HMCN1: variants seen among roughly 807,000 people sequenced by gnomAD.
HMCN1 encodes the protein hemicentin-1.
HMCN1 carries 321 observed loss-of-function variants against 625.9 expected under a neutral mutation model. The ratio of observed to expected loss-of-function variants is 0.51; its 90% CI spans 0.47 to 0.56. The LOEUF (loss-of-function observed/expected upper bound fraction) is 0.56, where lower values mean the gene tolerates loss of function less well. Among genes scored for constraint, HMCN1 ranks in the 20% least tolerant of loss-of-function variants. The pLI is 0.00. For synonymous variants in HMCN1, 2,425 were observed against 2,417.6 expected, an observed-to-expected ratio of 1.00 and a Z score of -0.09; for missense variants, 6,588 against 6,887.3, an observed-to-expected ratio of 0.96 and a Z score of 1.54.
intron 41 of HMCN1, among the ~76,000 whole-genome samples, chr1:186,047,784 C>T (rs562139341): frequency 1.2e-4 from 19 of 152,146 alleles, no homozygotes; most frequent in African/African-American, 4.6e-4. Context: ...ATTTTATGTC[C>T]TCTTTCAAGC....
At chr1:186,011,398 A>C (rs549906462) in intron 30 of HMCN1, among the ~76,000 whole-genome samples, 1 of 152,156 alleles carries the variant, frequency 6.6e-6, no homozygotes, top group Non-Finnish European at 1.5e-5. Flanking sequence ...ATGTTTCTTC[A>C]TACAGCTAAG....
chr1:186,144,589 G>A lies in HMCN1; in HGVS notation c.14152G>A (p.Gly4718Arg). 6.2e-7 allele frequency: 1 copy of A among 1,614,148 alleles called. No homozygotes were observed. The highest frequency in any genetic ancestry group is 8.5e-7 in the Non-Finnish European group (1 of 1,180,024). The stretch of plus-strand genomic sequence containing the variant: ...GAGTGCCTGTTCTGTGTCATGTGGA[G>A]GAGGTGCCAGACAGAGAACAAGGGG... The part of the protein sequence containing the change: ...SWSACSVSCG[G>R]GARQRTRGCS... Residue 4718 changes from glycine (G) to arginine (R), a missense_variant, in exon 91 of 107, where the codon GGA (glycine) becomes AGA (arginine). Around this residue, in one of 3 missense-constraint regions of HMCN1, gnomAD observed 1,954 missense variants for 2,013.1 expected, o/e 0.97. Transcript: ENST00000271588.
chr1:185,955,391 T>G (rs945565275), intron 11 of HMCN1, among the ~76,000 whole-genome samples: 8 of 152,102 alleles, frequency 5.3e-5, no homozygotes, highest in Non-Finnish European at 1.0e-4. Flanking sequence ...AAAAAAGAAA[T>G]AAAAATTTTT....
intron 11 of HMCN1, among the ~76,000 whole-genome samples, chr1:185,937,480 A>G (rs868499495): frequency 6.6e-6 from 1 of 152,202 alleles, no homozygotes; most frequent in African/African-American, 2.4e-5. Flanking sequence ...ATGAGGCCTC[A>G]TCTCCCAACG....
At chr1:185,904,829 G>A (rs1666007555) in intron 4 of HMCN1, among the ~76,000 whole-genome samples, 1 of 151,730 alleles carries the variant, frequency 6.6e-6, no homozygotes, top group African/African-American at 2.4e-5. Context: ...AGGTGTTAGT[G>A]TCAATTTTAC....
intron 14 of HMCN1, among the ~76,000 whole-genome samples, chr1:185,968,519 C>A (rs937919703): frequency 6.6e-6 from 1 of 151,010 alleles, no homozygotes; most frequent in African/African-American, 2.4e-5. Context: ...ACATAATCCA[C>A]ATAAAAATTC....
At chr1:186,004,507 A>C (rs777197347) in intron 29 of HMCN1, among the ~76,000 whole-genome samples, 2 of 152,222 alleles carry the variant, frequency 1.3e-5, no homozygotes, top group African/African-American at 2.4e-5. Flanking sequence ...TATATGGAGG[A>C]TATGAACAGG....
intron 80 of HMCN1, among the ~76,000 whole-genome samples, 187 bp from the exon 81 acceptor site, chr1:186,122,764 G>A (rs1661454444): frequency 6.6e-6 from 1 of 152,154 alleles, no homozygotes; most frequent in African/African-American, 2.4e-5. Context: ...CTAGGGACTA[G>A]TTTTCTGAAG....
At chr1:186,010,682 A>G (rs1653941850) in intron 30 of HMCN1, among the ~76,000 whole-genome samples, 1 of 152,214 alleles carries the variant, frequency 6.6e-6, no homozygotes, top group Non-Finnish European at 1.5e-5. Flanking sequence ...AATTTAAAAC[A>G]TGAGTAAAAT....
chr1:185,905,159 T>A (rs1307783727), intron 4 of HMCN1, among the ~76,000 whole-genome samples: 2 of 151,812 alleles, frequency 1.3e-5, no homozygotes, highest in Non-Finnish European at 2.9e-5. Flanking sequence ...CAATTGCACA[T>A]GGACAAAATA....
intron 82 of HMCN1, among the ~76,000 whole-genome samples, chr1:186,127,480 G>A (rs146054413): frequency 2.2e-4 from 33 of 152,202 alleles, no homozygotes; most frequent in African/African-American, 5.5e-4. Context: ...AAAGGTTGGA[G>A]AAGCAGCAGC....
intron 103 of HMCN1, among the ~76,000 whole-genome samples, chr1:186,175,444 C>T (rs948668613): frequency 2.0e-5 from 3 of 152,116 alleles, no homozygotes; most frequent in African/African-American, 7.2e-5. Context: ...TTTATGCAAT[C>T]CCTAGCATAA....
chr1:186,028,524 A>G (rs1424582109), intron 36 of HMCN1, among the ~76,000 whole-genome samples: 3 of 152,134 alleles, frequency 2.0e-5, no homozygotes, highest in East Asian at 1.9e-4. Flanking sequence ...TGTTTGAGGC[A>G]TTGAACCATT....
chr1:185,842,946 G>A lies in HMCN1; in HGVS notation c.269-3080G>A, dbSNP rs561383880. Among the ~76,000 whole-genome samples the A allele has an allele frequency of 1.6e-4, 25 of 152,170 alleles. No individual in the cohort carries two copies. In the South Asian group the frequency reaches 3.5e-3, roughly 22 times the overall value. On this transcript the variant is annotated intron_variant, in intron 1 of 106. Coordinates refer to ENST00000271588, the MANE Select transcript of HMCN1 (RefSeq NM_031935.3). ...GCATAGGTCACTCAGCATAAAATAC[G>A]TTAGCAGTTATCTTCACCTCTTTCT...
In HMCN1 at chr1:185,860,934, G is replaced by GT. The variant is rs143693471; in HGVS notation, c.340-3535dup. Among the ~76,000 whole-genome samples, 1,195 of 151,978 alleles carry GT rather than the reference G, an allele frequency of 7.9e-3. 12 individuals carry two copies. Among genetic ancestry groups the GT allele is most frequent in the African/African-American group, 0.028 (1,145 of 41,460 alleles). On this transcript the variant is annotated intron_variant, in intron 2 of 106. Transcript: ENST00000271588. ...TTGACCATCTTGATTTTATTAATAT[G>GT]TGGTTAAACTGCTTTATTCAAATTT...
intron 103 of HMCN1, 139 bp downstream of exon 103, chr1:186,174,781 T>G: frequency 1.3e-6 from 1 of 773,038 alleles, no homozygotes; most frequent in East Asian, 2.7e-5. Flanking sequence ...TTTACGTCAT[T>G]CAACACAATT....
intron 11 of HMCN1, among the ~76,000 whole-genome samples, chr1:185,961,539 T>C (rs961150096): frequency 6.6e-6 from 1 of 152,230 alleles, no homozygotes; most frequent in African/African-American, 2.4e-5. Flanking sequence ...CACTGGAAAT[T>C]AATTTACTTT....
intron 1 of HMCN1, among the ~76,000 whole-genome samples, chr1:185,844,662 A>G (rs569469275): frequency 1.4e-4 from 21 of 152,334 alleles, no homozygotes; most frequent in African/African-American, 4.8e-4. Flanking sequence ...TCATCATTAC[A>G]TAAGATAAGA....
chr1:186,019,680 C>T lies in HMCN1; in HGVS notation c.5610C>T (p.Ala1870=), dbSNP rs1654591906. The change falls in exon 35 of 107, where the codon GCC becomes GCT. Residue 1870 remains alanine (A), a synonymous_variant. Coordinates refer to ENST00000271588, the MANE Select transcript of HMCN1 (RefSeq NM_031935.3). ...AAGATGACCAGCCTGTGAACACTGC[C>T]CAAGGAAACCTTAAAGTAAGTGTAA... ...WLKDDQPVNT[A]QGNLKIQSSG... 1 of 1,611,492 alleles carries T rather than the reference C, an allele frequency of 6.2e-7. No individual in the cohort carries two copies. Among genetic ancestry groups the T allele is most frequent in the African/African-American group, 1.3e-5 (1 of 74,824 alleles).
Sources: gnomAD v4.1 joint callset for allele counts (sites outside exome capture counted in the v4.1 genomes callset) on GRCh38, gnomAD v4.1.1 for gene constraint, gnomAD v4.1.1 regional missense constraint, MANE v1.5 for transcripts, NCBI Gene and HGNC (gene_info 2026-07-23, HGNC 2026-07-21) for gene names.